The following STYXL2 variants were observed in gnomAD, a reference collection of about 807,000 sequenced individuals.
The protein encoded by STYXL2 is serine/threonine/tyrosine-interacting-like protein 2.
Under a neutral mutation model 52.4 loss-of-function variants are expected in STYXL2, and 44 were observed. The ratio of observed to expected loss-of-function variants is 0.84; its 90% CI spans 0.66 to 1.08. STYXL2 has a LOEUF of 1.08. Among genes scored for constraint, STYXL2 ranks in the 50% least tolerant of loss-of-function variants. STYXL2 has a pLI of 0.00. For missense variants in STYXL2, 1,604 were observed against 1,471.7 expected, an observed-to-expected ratio of 1.09 and a Z score of -1.47; for synonymous variants, 604 against 586.9, an observed-to-expected ratio of 1.03 and a Z score of -0.42.
At position 167,119,375 on chromosome 1, in the gene STYXL2, T is replaced by C. The variant is rs775031173; in HGVS notation, c.564T>C (p.Gly188=). The change falls in exon 5 of 6, where the codon GGT becomes GGC. Residue 188 remains glycine (G), a synonymous_variant. Coordinates refer to ENST00000361200, the MANE Select transcript of STYXL2 (RefSeq NM_001080426.3). Reference sequence around the variant, plus strand: ...CTGGCCTGGAGATCCAGTACCTGGGTGTAGAGGTGGATGACTTTCCTGAGG... The same window carrying C: ...CTGGCCTGGAGATCCAGTACCTGGGCGTAGAGGTGGATGACTTTCCTGAGG... ...FYTGLEIQYL[G]VEVDDFPEVD... is the part of the protein sequence containing the mutation. The C allele has an allele frequency of 1.1e-5, 18 of 1,613,974 alleles. 1 individual carries two copies. The highest frequency in any genetic ancestry group is 1.6e-4 in the Middle Eastern group (1 of 6,084).
In STYXL2 at chr1:167,128,536, A is replaced by G; in HGVS notation, c.3405A>G (p.Glu1135=). 6.2e-7 allele frequency: 1 copy of G among 1,613,940 alleles called. No individual in the cohort carries two copies. The highest frequency in any genetic ancestry group is 8.5e-7 in the Non-Finnish European group (1 of 1,180,014). The change falls in exon 6 of 6, where the codon GAA becomes GAG. Residue 1135 remains glutamate (E), a synonymous_variant. Transcript: ENST00000361200. ...DREEEEEMDD[E]AIIAAWRRRQ... ...AGGAAGAGGAAGAAATGGACGATGA[A>G]GCCATCATTGCTGCTTGGAGACGCC...
At chr1:167,113,325 A>C (rs1253833736) in intron 2 of STYXL2, among the ~76,000 whole-genome samples, 1 of 152,138 alleles carries the variant, frequency 6.6e-6, no homozygotes, top group Non-Finnish European at 1.5e-5. Context: ...GCAGAGGCAA[A>C]ATTAAGGACA....
At chr1:167,121,564 T>C (rs902669890) in intron 5 of STYXL2, among the ~76,000 whole-genome samples, 1 of 152,222 alleles carries the variant, frequency 6.6e-6, no homozygotes, top group Admixed American at 6.5e-5. Context: ...CCAGAAGCGA[T>C]AGCCAGCCTT....
chr1:167,124,029 C>A (rs1667910269), intron 5 of STYXL2, among the ~76,000 whole-genome samples: 1 of 152,070 alleles, frequency 6.6e-6, no homozygotes, highest in African/African-American at 2.4e-5. Context: ...GTGATCCTCC[C>A]ACCTCAGCCT....
chr1:167,104,951 A>G (rs958972067), intron 2 of STYXL2, among the ~76,000 whole-genome samples: 8 of 152,208 alleles, frequency 5.3e-5, no homozygotes, highest in South Asian at 2.1e-4. Context: ...CGGCTTTCAA[A>G]CTTTGCTGAC....
chr1:167,110,282 G>A (rs904193037), intron 2 of STYXL2, among the ~76,000 whole-genome samples: 1 of 152,160 alleles, frequency 6.6e-6, no homozygotes, highest in Non-Finnish European at 1.5e-5. Flanking sequence ...GAAGGAACCA[G>A]AAAAACAATT....
intron 2 of STYXL2, among the ~76,000 whole-genome samples, chr1:167,098,819 A>G (rs1667343713): frequency 6.6e-6 from 1 of 152,186 alleles, no homozygotes; most frequent in African/African-American, 2.4e-5. Flanking sequence ...GCTTTCTCTA[A>G]GCATGGTAGC....
chr1:167,118,953 G>T (rs900647455), intron 4 of STYXL2, among the ~76,000 whole-genome samples: 12 of 152,174 alleles, frequency 7.9e-5, no homozygotes, highest in Admixed American at 6.5e-5. Context: ...CCCAAGGCAT[G>T]GGGTTTTAAA....
chr1:167,119,482 C>T lies in STYXL2; in HGVS notation c.655+16C>T, dbSNP rs754035785. The T allele has an allele frequency of 1.8e-5, 29 of 1,608,310 alleles. No individual in the cohort carries two copies. Among genetic ancestry groups the T allele is most frequent in the South Asian group, 7.7e-5 (7 of 90,858 alleles). On this transcript the variant is annotated intron_variant, in intron 5 of 5. Transcript: ENST00000361200. Reference sequence around the variant, plus strand: ...ACTTACAGAGGTGAGAGGGATCTGCCGCTCCAGGCTGCTGGAATTCCACGG... The same window carrying T: ...ACTTACAGAGGTGAGAGGGATCTGCTGCTCCAGGCTGCTGGAATTCCACGG...
rs144536394 is a variant in STYXL2 at position 167,096,187 on chromosome 1, G to A, written c.110+1228G>A. Among the ~76,000 whole-genome samples the A allele has an allele frequency of 1.6e-3, 250 of 152,220 alleles. 3 individuals carry two copies. The East Asian group carries it at 0.024, about 14-fold the overall frequency. On this transcript the variant is annotated intron_variant, in intron 2 of 5. Transcript: ENST00000361200. ...GCAGGAGAATCACTTGAACCCGGGA[G>A]GCGGAGGTTTCAGTGAGCCGAGATC...
Position 167,117,504 on chromosome 1 carries a change from G to C in STYXL2, c.382G>C (p.Glu128Gln). The C allele has an allele frequency of 6.2e-7, 1 of 1,611,260 alleles. No homozygotes were observed. ...GCGGGCCCTGGTTCAGGATCGCCAA[G>C]AGGCGCCCTGGAATGAGGTGGATGA... ...LQRALVQDRQ[E>Q]APWNEVDEVW... Residue 128 changes from glutamate (E) to glutamine (Q), a missense_variant, in exon 4 of 6, where the codon GAG becomes CAG. Glu to Gln is a conservative substitution (Grantham distance 29, BLOSUM62 2). Transcript: ENST00000361200.
At chr1:167,102,138 G>C (rs1277385250) in intron 2 of STYXL2, among the ~76,000 whole-genome samples, 1 of 152,000 alleles carries the variant, frequency 6.6e-6, no homozygotes, top group Non-Finnish European at 1.5e-5. Flanking sequence ...ATGGTTGCCT[G>C]GGGGGCATAG....
intron 2 of STYXL2, among the ~76,000 whole-genome samples, chr1:167,105,097 C>G (rs1309280179): frequency 6.6e-6 from 1 of 152,056 alleles, no homozygotes; most frequent in Non-Finnish European, 1.5e-5. Flanking sequence ...TCCCCTCCTC[C>G]TTCCCTCCCT....
intron 3 of STYXL2, among the ~76,000 whole-genome samples, chr1:167,117,028 T>C (rs1379073494): frequency 6.8e-6 from 1 of 146,984 alleles, no homozygotes; most frequent in Admixed American, 6.8e-5. Flanking sequence ...ACCTAATACT[T>C]AAGGAACTTG....
At position 167,113,731 on chromosome 1, in the gene STYXL2, A is replaced by G; in HGVS notation, c.132A>G (p.Ala44=). 6.2e-7 allele frequency: 1 copy of G among 1,613,956 alleles called. No homozygotes were observed. The highest frequency in any genetic ancestry group is 8.5e-7 in the Non-Finnish European group (1 of 1,179,802). ...SPSQYSMVSD[A]ETESIFMEPI... ...TTAGGTATTCGATGGTCTCAGATGCAGAAACAGAAAGCATTTTCATGGAAC... is the reference window on the plus strand; with the variant it reads ...TTAGGTATTCGATGGTCTCAGATGCGGAAACAGAAAGCATTTTCATGGAAC... Residue 44 remains alanine (A), a synonymous_variant, in exon 3 of 6, where the codon GCA becomes GCG. Coordinates refer to ENST00000361200, the MANE Select transcript of STYXL2 (RefSeq NM_001080426.3).
At chr1:167,123,067 A>G (rs926736014) in intron 5 of STYXL2, among the ~76,000 whole-genome samples, 5 of 152,096 alleles carry the variant, frequency 3.3e-5, no homozygotes, top group African/African-American at 1.2e-4. Context: ...CCTTCCTCAA[A>G]CCATTTTACT....
chr1:167,129,076 A>ATT lies in STYXL2; in HGVS notation c.*480_*481dup. On this transcript the variant is annotated 3_prime_UTR_variant, in exon 6 of 6. Coordinates refer to ENST00000361200, the MANE Select transcript of STYXL2 (RefSeq NM_001080426.3). ...CCTCTCCTGGCAATGCTCAGTTCTG[A>ATT]TTTTTTTTTTTTTAATGTTTTGAGT... 1 of 149,380 alleles carries ATT rather than the reference A, an allele frequency of 6.7e-6. No homozygotes were observed. The highest frequency in any genetic ancestry group is 1.5e-5 in the Non-Finnish European group (1 of 67,564). 9.3% of individuals were successfully genotyped at this position (149,380 alleles called of 1,614,324 possible).
intron 5 of STYXL2, among the ~76,000 whole-genome samples, chr1:167,121,784 A>T (rs1667862762): frequency 6.6e-6 from 1 of 152,246 alleles, no homozygotes; most frequent in Admixed American, 6.5e-5. Context: ...CTGAGTGTCC[A>T]GATCCCTTGC....
chr1:167,126,828 G>T lies in STYXL2; in HGVS notation c.1697G>T (p.Ser566Ile). ...AAGAAAGACTTGGGAGCGGGAGACA[G>T]CAGCGGTGAGCCCGGTGCAGAGGAG... ...FHKKDLGAGD[S>I]SGEPGAEEAV... The change falls in exon 6 of 6, where the codon AGC (serine) becomes ATC (isoleucine). Residue 566 changes from serine (S) to isoleucine (I), a missense_variant. Ser to Ile is a moderately radical substitution (Grantham distance 142). Coordinates refer to ENST00000361200, the MANE Select transcript of STYXL2 (RefSeq NM_001080426.3). 1 of 1,614,250 alleles carries T rather than the reference G, an allele frequency of 6.2e-7. No individual in the cohort carries two copies. Among genetic ancestry groups the T allele is most frequent in the Non-Finnish European group, 8.5e-7 (1 of 1,180,044 alleles).
Sources: allele counts gnomAD v4.1 joint callset (sites outside exome capture counted in the v4.1 genomes callset), GRCh38; gene constraint gnomAD v4.1.1; transcripts MANE v1.5; gene names NCBI Gene and HGNC (gene_info 2026-07-23, HGNC 2026-07-21).